Variants in MUC4 observed in about 807,000 individuals in gnomAD.
MUC4 encodes the protein mucin 4, cell surface associated, also known as mucin-4.
A neutral mutation model predicts 257.9 loss-of-function variants in MUC4; 202 were observed. The observed-to-expected ratio is 0.78, with a 90% CI of 0.70 to 0.88. The LOEUF is 0.88. Among genes scored for constraint, MUC4 ranks in the 40% least tolerant of loss-of-function variants. The pLI is 0.00. For missense variants in MUC4, 5,976 were observed against 6,513.7 expected, an observed-to-expected ratio of 0.92 and a Z score of 2.84; for synonymous variants, 2,351 against 2,757.1, an observed-to-expected ratio of 0.85 and a Z score of 4.62.
chr3:195,760,405 C>T (rs536344153), intron 16 of MUC4, among the ~76,000 whole-genome samples: 7 of 149,352 alleles, frequency 4.7e-5, no homozygotes, highest in Admixed American at 1.3e-4. Context: ...GGGAGCTGAG[C>T]GCACCTAGCG....
At chr3:195,756,777 C>T (rs1272443344) in intron 18 of MUC4, among the ~76,000 whole-genome samples, 3 of 152,020 alleles carry the variant, frequency 2.0e-5, no homozygotes, top group South Asian at 2.1e-4. Context: ...ATTTTCCTGC[C>T]GCAGCCTCCC....
intron 11 of MUC4, among the ~76,000 whole-genome samples, 190 bp downstream of exon 11, chr3:195,763,855 G>A (rs73892865): frequency 9.2e-5 from 14 of 152,202 alleles, no homozygotes; most frequent in Admixed American, 3.3e-4. Context: ...TTCGTGCCCC[G>A]CTATTCTCAC....
At chr3:195,753,574 T>C (rs1246115464) in intron 19 of MUC4, 1 of 388,684 alleles carries the variant, frequency 2.6e-6, no homozygotes, top group East Asian at 6.2e-5. Context: ...TTATAAAAGC[T>C]GCGGTTCTAC....
Position 195,788,031 on chromosome 3 carries a change from C to T in MUC4, c.3549G>A (p.Thr1183=), listed in dbSNP as rs201387180. The change falls in exon 2 of 25, where the codon ACG becomes ACA. Residue 1183 remains threonine, a synonymous_variant. Transcript: ENST00000463781. The part of the protein sequence containing the change: ...SLSSVSTGDT[T]PLPVTSPSSA... ...AGGAAGGGCTAGTGACAGGAAGAGG[C>T]GTGGTGTCACCTGTGGATACTGAGG... 3.0e-5 allele frequency: 30 copies of T among 1,012,802 alleles called. No individual in the cohort carries two copies. Among genetic ancestry groups the T allele is most frequent in the Middle Eastern group, 8.1e-4 (2 of 2,468 alleles). The allele number at this position is 1,012,802 out of a possible 1,614,324, so 62.7% of individuals were successfully genotyped here. A position where few individuals can be genotyped will look rare whatever the true frequency, so the allele number is the denominator to read the frequency against.
chr3:195,758,023 A>T (rs900262598), intron 17 of MUC4, among the ~76,000 whole-genome samples: 1 of 152,216 alleles, frequency 6.6e-6, no homozygotes, highest in African/African-American at 2.4e-5. Context: ...CAGGCAAAGC[A>T]GTCCCTTCTG....
intron 1 of MUC4, among the ~76,000 whole-genome samples, chr3:195,806,049 G>A (rs1241967662): frequency 6.6e-6 from 1 of 152,206 alleles, no homozygotes; most frequent in African/African-American, 2.4e-5. Context: ...CCTGGAGGCA[G>A]AGGTTGCAGT....
At chr3:195,767,582 CCAT>C (rs1262221699) in intron 7 of MUC4, among the ~76,000 whole-genome samples, 5 of 115,230 alleles carry the variant, frequency 4.3e-5, no homozygotes, top group Non-Finnish European at 7.2e-5. Context: ...ATCACCACCA[CCAT>C]CACCACCACC....
Position 195,778,429 on chromosome 3 carries a change from C to T in MUC4, c.12817G>A (p.Asp4273Asn). The change falls in exon 3 of 25, where the codon GAC becomes AAC. Residue 4273 changes from aspartate to asparagine, a missense_variant. By Grantham distance (23) the Asp-to-Asn change is conservative. Around this residue, in one of 44 missense-constraint regions of MUC4, gnomAD observed 233 missense variants for 171.2 expected, o/e 1.36. Transcript: ENST00000463781. ...GATGTGGCTGTGCGTCTCCCACCGT[C>T]TGTCTTCAGTGACGGTGTTGTCATT... is the stretch of plus-strand genomic sequence containing the variant. ...PGMTTPSLKTDGGRRTATSPP... is the reference protein window; with the variant it reads ...PGMTTPSLKTNGGRRTATSPP... 6.2e-7 allele frequency: 1 copy of T among 1,612,928 alleles called. No homozygotes were observed. The highest frequency in any genetic ancestry group is 1.1e-5 in the South Asian group (1 of 91,036).
Position 195,782,122 on chromosome 3 carries a change from A to C in MUC4, c.9458T>G (p.Leu3153Arg). 1 of 1,367,976 alleles carries C rather than the reference A, an allele frequency of 7.3e-7. No individual in the cohort carries two copies. Among genetic ancestry groups the C allele is most frequent in the Admixed American group, 2.3e-5 (1 of 44,408 alleles). The allele number at this position is 1,367,976 out of a possible 1,614,324, so 84.7% of individuals were successfully genotyped here. The change falls in exon 2 of 25, where the codon CTT (leucine) becomes CGT (arginine). Residue 3153 changes from leucine to arginine, a missense_variant. Transcript: ENST00000463781. ...SSASTGDTTPLPVTDTSSAST... is the reference protein window; with the variant it reads ...SSASTGDTTPRPVTDTSSAST... Reference sequence around the variant, plus strand: ...TGCTGAGGAAGTGTCGGTGACAGGAAGAGGGGTGGTGTCACCTGTGGATGC... The same window carrying C: ...TGCTGAGGAAGTGTCGGTGACAGGACGAGGGGTGGTGTCACCTGTGGATGC...
Position 195,786,961 on chromosome 3 carries a change from G to A in MUC4, c.4619C>T (p.Thr1540Ile). 3 of 941,862 alleles carry A rather than the reference G, an allele frequency of 3.2e-6. No homozygotes were observed. Among genetic ancestry groups the A allele is most frequent in the Middle Eastern group, 3.4e-4 (1 of 2,912 alleles). The allele number at this position is 941,862 out of a possible 1,614,324, so 58.3% of individuals were successfully genotyped here. ...ACCTGTGGATGCTGAGGAAGGGCTA[G>A]TGACAGGAAGAGGCATGGTGTCACC... is the stretch of plus-strand genomic sequence containing the variant. ...STGDTMPLPV[T>I]SPSSASTGDT... The change falls in exon 2 of 25, where the codon ACT becomes ATT. Residue 1540 changes from threonine to isoleucine, a missense_variant. Transcript: ENST00000463781.
At position 195,760,508 on chromosome 3, in the gene MUC4, C is replaced by G. The variant is rs1156359392; in HGVS notation, c.14848+376G>C. 5.0e-3 allele frequency among the ~76,000 whole-genome samples: 183 copies of G among 36,460 alleles called. 1 individual carries two copies. The highest frequency in any genetic ancestry group is 8.2e-3 in the African/African-American group (95 of 11,532). 23.9% of individuals were successfully genotyped at this position (36,460 alleles called of 152,430 possible). A position where few individuals can be genotyped will look rare whatever the true frequency, so the allele number is the denominator to read the frequency against. The stretch of plus-strand genomic sequence containing the variant: ...GATGGAGTGGAGGGGGCTGGGAAGG[C>G]ATCCAGCGCTAGGATGGATGGAGGG... On this transcript the variant is annotated intron_variant, in intron 16 of 24. Transcript: ENST00000463781.
rs1371945232 is a variant in MUC4 at position 195,749,044 on chromosome 3, C to T, written c.15892G>A (p.Ala5298Thr). Reference sequence around the variant, plus strand: ...TTGTAGCCATCGCATCTGAAGTAAGCCTTCAGCGTGCTCACGTTCACTGTC... The same window carrying T: ...TTGTAGCCATCGCATCTGAAGTAAGTCTTCAGCGTGCTCACGTTCACTGTC... ...VTALNVSTLK[A>T]YFRCDGYKGY... Residue 5298 changes from alanine (A) to threonine (T), a missense_variant, in exon 24 of 25, where the codon GCT (alanine) becomes ACT (threonine). This residue lies in a region of MUC4 where 310 missense variants were observed against 242.1 expected (regional missense o/e 1.28). Transcript: ENST00000463781. The T allele has an allele frequency of 6.2e-7, 1 of 1,606,430 alleles. No homozygotes were observed. Among genetic ancestry groups the T allele is most frequent in the Non-Finnish European group, 8.5e-7 (1 of 1,175,540 alleles).
rs1012536267 is a variant in MUC4, at chr3:195,762,135, A to T, written c.14464T>A (p.Ser4822Thr). 2 of 1,607,404 alleles carry T rather than the reference A, an allele frequency of 1.2e-6. No homozygotes were observed. The highest frequency in any genetic ancestry group is 2.2e-5 in the East Asian group (1 of 44,720). The change falls in exon 14 of 25, where the codon TCC becomes ACC. Residue 4822 changes from serine to threonine, a missense_variant. Ser to Thr is a moderately conservative substitution (Grantham distance 58, BLOSUM62 1). Coordinates refer to ENST00000463781, the MANE Select transcript of MUC4 (RefSeq NM_018406.7). ...VIALSNILHA[S>T]ASLPPEYQNR... ...TGGTACTCGGGCGGGAGGCTGGCGG[A>T]GGCGTGGAGGATGTTGGAGAGCGCG...
chr3:195,778,228 T>G, intron 3 of MUC4, 75 bp downstream of exon 3: 2 of 1,480,498 alleles, frequency 1.4e-6, no homozygotes, highest in Admixed American at 2.3e-5. Flanking sequence ...GCGGAGACTG[T>G]GGGAAGTAGG....
chr3:195,765,455 G>A lies in MUC4; in HGVS notation c.13619-6C>T, dbSNP rs1182989368. 4 of 1,609,472 alleles carry A rather than the reference G, an allele frequency of 2.5e-6. No individual in the cohort carries two copies. Among genetic ancestry groups the A allele is most frequent in the Non-Finnish European group, 2.5e-6 (3 of 1,177,342 alleles). The stretch of plus-strand genomic sequence containing the variant: ...GAACTGCAGCCCTTGGAGGCCTGAG[G>A]TCGGGGATGGGGGGGAAAGGGCTTA... On this transcript the variant is annotated splice_polypyrimidine_tract_variant and splice_region_variant and intron_variant, in intron 8 of 24. Transcript: ENST00000463781.
At chr3:195,753,026 G>A (rs367944655) in intron 20 of MUC4, 25 bp downstream of exon 20, 1 of 1,600,658 alleles carries the variant, frequency 6.2e-7, no homozygotes, top group Admixed American at 1.7e-5. Flanking sequence ...GTGCGGGGGT[G>A]AGAGGGCGGG....
intron 1 of MUC4, among the ~76,000 whole-genome samples, chr3:195,807,031 A>G (rs908673483): frequency 6.6e-6 from 1 of 152,094 alleles, no homozygotes; most frequent in Non-Finnish European, 1.5e-5. Context: ...AAACACATAC[A>G]CGGGGAGTGG....
At chr3:195,748,322 G>C (rs543159181) in intron 24 of MUC4, among the ~76,000 whole-genome samples, 61 of 152,406 alleles carry the variant, frequency 4.0e-4, no homozygotes, top group African/African-American at 1.4e-3. Flanking sequence ...TCAGCACTTT[G>C]GGAGGCCAAG....
intron 3 of MUC4, among the ~76,000 whole-genome samples, chr3:195,774,876 G>C (rs1209159063): frequency 2.8e-5 from 4 of 141,856 alleles, no homozygotes; most frequent in African/African-American, 1.0e-4. Context: ...CTCCAGCCTG[G>C]GCAACAAGAG....
Sources: gnomAD v4.1 joint callset for allele counts (sites outside exome capture counted in the v4.1 genomes callset) on GRCh38, gnomAD v4.1.1 for gene constraint, gnomAD v4.1.1 regional missense constraint, MANE v1.5 for transcripts, NCBI Gene and HGNC (gene_info 2026-07-23, HGNC 2026-07-21) for gene names.